GRM5: variants seen among roughly 807,000 people sequenced by gnomAD.
GRM5 encodes metabotropic glutamate receptor 5.
Under a neutral mutation model 83.1 loss-of-function variants are expected in GRM5, and 19 were observed. The ratio of observed to expected loss-of-function variants is 0.23; its 90% CI spans 0.16 to 0.34. The LOEUF (loss-of-function observed/expected upper bound fraction) is 0.34, where lower values mean the gene tolerates loss of function less well. Among genes scored for constraint, GRM5 ranks in the 10% least tolerant of loss-of-function variants. The pLI, the probability that GRM5 is intolerant of heterozygous loss-of-function variation, is 1.00. For synonymous variants in GRM5, 675 were observed against 633.6 expected, an observed-to-expected ratio of 1.07 and a Z score of -0.98; for missense variants, 1,160 against 1,588.3, an observed-to-expected ratio of 0.73 and a Z score of 4.58.
At chr11:89,013,062 A>G (rs1486113390) in intron 2 of GRM5, among the ~76,000 whole-genome samples, 3 of 152,222 alleles carry the variant, frequency 2.0e-5, no homozygotes, top group Non-Finnish European at 2.9e-5. Flanking sequence ...TCTATTTGCC[A>G]TATTTCACTG....
chr11:88,940,243 A>T (rs2135664216), intron 2 of GRM5, among the ~76,000 whole-genome samples: 1 of 150,242 alleles, frequency 6.7e-6, no homozygotes, highest in South Asian at 2.1e-4. Flanking sequence ...TATTTGCAAC[A>T]TTATTTAAGT....
intron 3 of GRM5, among the ~76,000 whole-genome samples, chr11:88,708,225 C>T (rs773522824): frequency 6.6e-6 from 1 of 151,992 alleles, no homozygotes; most frequent in Non-Finnish European, 1.5e-5. Context: ...GGTTCGCTCC[C>T]CTTTTATTGC....
chr11:88,785,446 T>C (rs572163510), intron 3 of GRM5, among the ~76,000 whole-genome samples: 114 of 152,236 alleles, frequency 7.5e-4, no homozygotes, highest in South Asian at 1.7e-3. Context: ...TGGACGTAAG[T>C]TGTTCAAAGA....
chr11:88,561,823 C>T (rs1240154683), intron 8 of GRM5, among the ~76,000 whole-genome samples: 1 of 152,102 alleles, frequency 6.6e-6, no homozygotes, highest in African/African-American at 2.4e-5. Context: ...AATTGAATGG[C>T]TGATTCCGGG....
chr11:89,003,692 T>A (rs1344487443), intron 2 of GRM5, among the ~76,000 whole-genome samples: 4 of 151,510 alleles, frequency 2.6e-5, no homozygotes, highest in Admixed American at 2.6e-4. Context: ...TATTATTATT[T>A]TGGAGAGTGG....
At chr11:88,694,184 C>A (rs554731609) in intron 3 of GRM5, among the ~76,000 whole-genome samples, 9 of 152,300 alleles carry the variant, frequency 5.9e-5, no homozygotes, top group Admixed American at 6.5e-5. Context: ...ACTTCCTTTA[C>A]AAATTAATTT....
chr11:89,046,857 G>A (rs1941652008), intron 2 of GRM5, among the ~76,000 whole-genome samples: 1 of 151,948 alleles, frequency 6.6e-6, no homozygotes, highest in Admixed American at 6.6e-5. Context: ...ATCGCGAAAT[G>A]ACAAAAATAT....
chr11:88,670,646 C>T (rs1411426161), intron 3 of GRM5, among the ~76,000 whole-genome samples: 1 of 151,944 alleles, frequency 6.6e-6, no homozygotes, highest in Non-Finnish European at 1.5e-5. Flanking sequence ...GGTCAGGAAG[C>T]TTGAACACTT....
chr11:89,050,069 C>T (rs572719154), intron 1 of GRM5, among the ~76,000 whole-genome samples: 3 of 152,226 alleles, frequency 2.0e-5, no homozygotes, highest in South Asian at 2.1e-4. Context: ...CTGTCAGGCT[C>T]GTGTGGCTGA....
chr11:88,903,907 T>C (rs1200290619), intron 2 of GRM5, among the ~76,000 whole-genome samples: 1 of 152,180 alleles, frequency 6.6e-6, no homozygotes, highest in East Asian at 1.9e-4. Flanking sequence ...AAAAAAGATG[T>C]GACAGATTTT....
At chr11:89,008,874 A>G (rs1281124294) in intron 2 of GRM5, among the ~76,000 whole-genome samples, 3 of 152,178 alleles carry the variant, frequency 2.0e-5, no homozygotes, top group Non-Finnish European at 4.4e-5. Context: ...AAGTTTTTGA[A>G]GAATATTCTT....
intron 4 of GRM5, among the ~76,000 whole-genome samples, chr11:88,630,430 C>T (rs1337064413): frequency 6.6e-6 from 1 of 151,918 alleles, no homozygotes; most frequent in Non-Finnish European, 1.5e-5. Flanking sequence ...TATTCCTTAG[C>T]AGAATGTAGA....
chr11:88,735,454 C>A lies in GRM5; in HGVS notation c.912-82051G>T, dbSNP rs529858694. Among the ~76,000 whole-genome samples the A allele has an allele frequency of 3.9e-5, 6 of 152,148 alleles. No homozygotes were observed. The East Asian group carries it at 1.2e-3, about 30-fold the overall frequency. ...TGTTGCTATCATCTTTGCCAACTTT[C>A]TCTCCACATAGCAATCTGCAATAAT... On this transcript the variant is annotated intron_variant, in intron 3 of 9. Transcript: ENST00000305447.
chr11:88,800,501 G>C (rs1242340332), intron 3 of GRM5, among the ~76,000 whole-genome samples: 1 of 151,938 alleles, frequency 6.6e-6, no homozygotes, highest in African/African-American at 2.4e-5. Flanking sequence ...TGTTCCTGAA[G>C]GACAAGAATC....
intron 2 of GRM5, among the ~76,000 whole-genome samples, chr11:89,042,668 A>G (rs1941560644): frequency 6.6e-6 from 1 of 152,168 alleles, no homozygotes; most frequent in Admixed American, 6.5e-5. Flanking sequence ...TTTCCAAGGT[A>G]AATTGTCTTG....
At chr11:88,856,049 A>G (rs1170085809) in intron 2 of GRM5, among the ~76,000 whole-genome samples, 3 of 152,098 alleles carry the variant, frequency 2.0e-5, no homozygotes, top group African/African-American at 4.8e-5. Flanking sequence ...AAGAAAAGGA[A>G]TAAGTGTAAC....
chr11:89,028,272 GT>G (rs371567840), intron 2 of GRM5, among the ~76,000 whole-genome samples: 3,288 of 152,126 alleles, frequency 0.022, 124 homozygotes, highest in African/African-American at 0.075. Context: ...TTTATTACCT[GT>G]TTTTTTAACA....
intron 3 of GRM5, among the ~76,000 whole-genome samples, chr11:88,720,135 G>A (rs906930842): frequency 6.6e-6 from 1 of 152,034 alleles, no homozygotes; most frequent in African/African-American, 2.4e-5. Context: ...GTATCCAATT[G>A]ATAGTTGTTG....
chr11:89,033,558 AT>A (rs1009086833), intron 2 of GRM5, among the ~76,000 whole-genome samples: 2 of 152,010 alleles, frequency 1.3e-5, no homozygotes, highest in South Asian at 2.1e-4. Context: ...TCTAAAGGAC[AT>A]TTTTTTATCC....
Sources: gnomAD v4.1 joint callset for allele counts (sites outside exome capture counted in the v4.1 genomes callset) on GRCh38, gnomAD v4.1.1 for gene constraint, MANE v1.5 for transcripts, NCBI Gene and HGNC (gene_info 2026-07-23, HGNC 2026-07-21) for gene names.